The following MPDU1 variants were observed in gnomAD, a reference collection of about 807,000 sequenced individuals.
MPDU1 encodes mannose-P-dolichol utilization defect 1, also known as mannose-P-dolichol utilization defect 1 protein.
MPDU1 carries 18 observed loss-of-function variants against 27.6 expected under a neutral mutation model. The ratio of observed to expected loss-of-function variants is 0.65; its 90% CI spans 0.45 to 0.97. The LOEUF (loss-of-function observed/expected upper bound fraction) is 0.97. MPDU1 is among the 50% of genes least tolerant of loss of function. MPDU1 has a pLI of 0.00. For missense variants in MPDU1, 279 were observed against 297.4 expected, an observed-to-expected ratio of 0.94 and a Z score of 0.46; for synonymous variants, 142 against 131.1, an observed-to-expected ratio of 1.08 and a Z score of -0.57.
intron 3 of MPDU1, 158 bp downstream of exon 3, chr17:7,586,236 A>G: frequency 1.2e-6 from 1 of 852,100 alleles, no homozygotes; most frequent in Non-Finnish European, 1.9e-6. Context: ...ACCTGAGGTC[A>G]GGAGTTCGAA....
In MPDU1 at chr17:7,587,431, C is replaced by T. The variant is rs371550829; in HGVS notation, c.624C>T (p.Thr208=). The T allele has an allele frequency of 6.2e-6, 10 of 1,613,926 alleles. No homozygotes were observed. Among genetic ancestry groups the T allele is most frequent in the Non-Finnish European group, 5.9e-6 (7 of 1,179,994 alleles). The change falls in exon 7 of 7, where the codon ACC becomes ACT. Residue 208 remains threonine (T), a synonymous_variant. Transcript: ENST00000250124. ...GCTCTGTCTCTTGCAACCAGGAAAC[C>T]GGAGATCCCCTGATGGCTGGGACCT... ...LARIFTSIQE[T]GDPLMAGTFV... is the part of the protein sequence containing the mutation.
At chr17:7,586,483 C>T in intron 3 of MPDU1, 1 of 641,516 alleles carries the variant, frequency 1.6e-6, no homozygotes, top group East Asian at 2.8e-5. Context: ...GTTTTAAGCC[C>T]TTTTAGAAAC....
rs1359497255 is a variant in MPDU1 at position 7,587,989 on chromosome 17, C to A, written c.*438C>A. On this transcript the variant is annotated 3_prime_UTR_variant, in exon 7 of 7. Transcript: ENST00000250124. ...CTGTGGCTGCCTCCCTCCCTCAGCC[C>A]GGCTGGGACTGTCTCCCGGACCCCA... 1.0e-5 allele frequency: 5 copies of A among 479,666 alleles called. No individual in the cohort carries two copies. The highest frequency in any genetic ancestry group is 7.8e-5 in the African/African-American group (4 of 51,070). 29.7% of individuals were successfully genotyped at this position (479,666 alleles called of 1,614,324 possible). A position where few individuals can be genotyped will look rare whatever the true frequency, so the allele number is the denominator to read the frequency against.
In MPDU1 at chr17:7,587,859, G is replaced by T. The variant is rs4227; in HGVS notation, c.*308G>T. ...TCCTCTAGCAGCAATTTCCAGCTGTGTAACACTATCCTGGGCAAATGTTTT... is the reference window on the plus strand; with the variant it reads ...TCCTCTAGCAGCAATTTCCAGCTGTTTAACACTATCCTGGGCAAATGTTTT... On this transcript the variant is annotated 3_prime_UTR_variant, in exon 7 of 7. Transcript: ENST00000250124. 372,051 of 520,342 alleles carry T rather than the reference G, an allele frequency of 0.72. 134,794 individuals are homozygous for T. Among genetic ancestry groups the T allele is most frequent in the South Asian group, 0.83 (54,176 of 65,100 alleles). The allele number at this position is 520,342 out of a possible 1,614,324, so 32.2% of individuals were successfully genotyped here. A position where few individuals can be genotyped will look rare whatever the true frequency, so the allele number is the denominator to read the frequency against.
Position 7,587,009 on chromosome 17 carries a change from G to T in MPDU1, c.499G>T (p.Val167Leu). Residue 167 changes from valine (V) to leucine (L), a missense_variant, in exon 5 of 7, where the codon GTG (valine) becomes TTG (leucine). Coordinates refer to ENST00000250124, the MANE Select transcript of MPDU1 (RefSeq NM_004870.4). ...GGCCTCCAATGTGCCTGCTGTGGTG[G>T]TGGGGAGGGTGGGTACCAGGAGCAA... ...LQASNVPAVV[V>L]GRLLQAATNY... 6.2e-7 allele frequency: 1 copy of T among 1,612,484 alleles called. No individual in the cohort carries two copies. The highest frequency in any genetic ancestry group is 8.5e-7 in the Non-Finnish European group (1 of 1,179,274).
intron 3 of MPDU1, 101 bp downstream of exon 3, chr17:7,586,179 C>A: frequency 1.4e-6 from 2 of 1,448,582 alleles, no homozygotes; most frequent in South Asian, 1.2e-5. Flanking sequence ...GGCCCAGTGG[C>A]TTGCACCTGT....
intron 1 of MPDU1, among the ~76,000 whole-genome samples, chr17:7,585,284 C>T (rs2071561564): frequency 6.6e-6 from 1 of 151,948 alleles, no homozygotes; most frequent in African/African-American, 2.4e-5. Flanking sequence ...GCTTATAATC[C>T]CAGCACTTTA....
At chr17:7,584,211 C>A (rs1338013073) in intron 1 of MPDU1, 1 of 600,676 alleles carries the variant, frequency 1.7e-6, no homozygotes, top group Non-Finnish European at 3.0e-6. Flanking sequence ...CAATGAAAAA[C>A]GAAGAGTCAA....
chr17:7,586,058 C>A lies in MPDU1; in HGVS notation c.282C>A (p.Ile94=). 1 of 1,613,910 alleles carries A rather than the reference C, an allele frequency of 6.2e-7. No individual in the cohort carries two copies. Among genetic ancestry groups the A allele is most frequent in the South Asian group, 1.1e-5 (1 of 91,066 alleles). Residue 94 remains isoleucine, a synonymous_variant, in exon 3 of 7, where the codon ATC becomes ATA. Transcript: ENST00000250124. The part of the protein sequence containing the change: ...VALTGTMVYS[I]TNNFPFSSWG... Reference sequence around the variant, plus strand: ...TGACTGGGACCATGGTCTACAGCATCACTAACAACTTCCCATTCAGGTGAG... The same window carrying A: ...TGACTGGGACCATGGTCTACAGCATAACTAACAACTTCCCATTCAGGTGAG...
chr17:7,588,172 A>G lies in MPDU1; in HGVS notation c.*621A>G, dbSNP rs2071617211. ...ACAGATGGGACAATAAAGACTGGAG[A>G]CTCAGTTGAATAATACAAAACTGTT... On this transcript the variant is annotated 3_prime_UTR_variant, in exon 7 of 7. Transcript: ENST00000250124. 1.4e-6 allele frequency: 1 copy of G among 702,992 alleles called. No homozygotes were observed. Among genetic ancestry groups the G allele is most frequent in the African/African-American group, 1.7e-5 (1 of 57,168 alleles). 43.5% of individuals were successfully genotyped at this position (702,992 alleles called of 1,614,324 possible). A position where few individuals can be genotyped will look rare whatever the true frequency, so the allele number is the denominator to read the frequency against.
chr17:7,584,955 T>C (rs146862641), intron 1 of MPDU1, among the ~76,000 whole-genome samples: 1 of 152,108 alleles, frequency 6.6e-6, no homozygotes, highest in East Asian at 1.9e-4. Flanking sequence ...ATCGTGCCAT[T>C]GCACTCCAGC....
chr17:7,588,148 C>T lies in MPDU1; in HGVS notation c.*597C>T. ...CTGGTTCCTGCTGCAGTGAGGGGAA[C>T]AGATGGGACAATAAAGACTGGAGAC... On this transcript the variant is annotated 3_prime_UTR_variant, in exon 7 of 7. Transcript: ENST00000250124. 1 of 671,242 alleles carries T rather than the reference C, an allele frequency of 1.5e-6. No individual in the cohort carries two copies. The highest frequency in any genetic ancestry group is 2.9e-5 in the East Asian group (1 of 34,698). The allele number at this position is 671,242 out of a possible 1,614,324, so 41.6% of individuals were successfully genotyped here.
rs746026401 is a variant in MPDU1 at position 7,585,733 on chromosome 17, C to T, written c.105C>T (p.Val35=). The T allele has an allele frequency of 6.2e-7, 1 of 1,614,102 alleles. No individual in the cohort carries two copies. Among genetic ancestry groups the T allele is most frequent in the East Asian group, 2.2e-5 (1 of 44,888 alleles). The change falls in exon 2 of 7, where the codon GTC becomes GTT. Residue 35 remains valine (V), a splice_region_variant and synonymous_variant. Coordinates refer to ENST00000250124, the MANE Select transcript of MPDU1 (RefSeq NM_004870.4). ...QLFVQWDLLH[V]PCLKILLSKG... The stretch of plus-strand genomic sequence containing the variant: ...GCTTACCCTTTTTTCTCTCCTCAGT[C>T]CCCTGCCTCAAGATTCTCCTCAGCA...
At position 7,586,772 on chromosome 17, in the gene MPDU1, T is replaced by C; in HGVS notation, c.383T>C (p.Val128Ala). 3.1e-6 allele frequency: 5 copies of C among 1,613,990 alleles called. No homozygotes were observed. The Admixed American group carries it at 5.0e-5, about 16-fold the overall frequency. The change falls in exon 4 of 7, where the codon GTG (valine) becomes GCG (alanine). Residue 128 changes from valine (V) to alanine (A), a missense_variant. By Grantham distance (64) the Val-to-Ala change is moderately conservative. Transcript: ENST00000250124. ...GTCATGCACTACAGAGGACAGACTG[T>C]GAAAGGTGCTGGGGACTTACCCAAG... ...FLVMHYRGQT[V>A]KGVAFLACYG... is the part of the protein sequence containing the mutation.
At chr17:7,584,806 A>G (rs910344127) in intron 1 of MPDU1, among the ~76,000 whole-genome samples, 3 of 152,130 alleles carry the variant, frequency 2.0e-5, no homozygotes, top group African/African-American at 7.2e-5. Flanking sequence ...AGCCTGGCCA[A>G]TAGGGCGAAA....
chr17:7,583,747 A>G, upstream of MPDU1: 2 of 1,061,050 alleles, frequency 1.9e-6, no homozygotes, highest in Non-Finnish European at 2.9e-6. Context: ...AGAGCGGGGC[A>G]CGGGGCGGGC....
Position 7,587,226 on chromosome 17 carries a change from C to T in MPDU1, c.573C>T (p.Phe191=). ...GCCAGCTCTCAGCCATCACAGTCTTCCTGCTGTTTGGGGGCTCCCTGGCCC... is the reference window on the plus strand; with the variant it reads ...GCCAGCTCTCAGCCATCACAGTCTTTCTGCTGTTTGGGGGCTCCCTGGCCC... The part of the protein sequence containing the change: ...HTGQLSAITV[F]LLFGGSLARI... Residue 191 remains phenylalanine (F), a synonymous_variant, in exon 6 of 7, where the codon TTC becomes TTT. Transcript: ENST00000250124. 1 of 1,614,168 alleles carries T rather than the reference C, an allele frequency of 6.2e-7. No individual in the cohort carries two copies. The highest frequency in any genetic ancestry group is 2.2e-5 in the East Asian group (1 of 44,864).
Position 7,588,139 on chromosome 17 carries a change from T to G in MPDU1, c.*588T>G. On this transcript the variant is annotated 3_prime_UTR_variant, in exon 7 of 7. Coordinates refer to ENST00000250124, the MANE Select transcript of MPDU1 (RefSeq NM_004870.4). The stretch of plus-strand genomic sequence containing the variant: ...GAGATGGGGCTGGTTCCTGCTGCAG[T>G]GAGGGGAACAGATGGGACAATAAAG... The G allele has an allele frequency of 1.5e-6, 1 of 655,376 alleles. No individual in the cohort carries two copies. The highest frequency in any genetic ancestry group is 2.8e-6 in the Non-Finnish European group (1 of 355,874). The allele number at this position is 655,376 out of a possible 1,614,324, so 40.6% of individuals were successfully genotyped here.
At chr17:7,584,707 A>C (rs1254397644) in intron 1 of MPDU1, among the ~76,000 whole-genome samples, 1 of 152,180 alleles carries the variant, frequency 6.6e-6, no homozygotes, top group Non-Finnish European at 1.5e-5. Context: ...AAAGAGTGGT[A>C]TGGGGCGGGC....
Sources: allele counts gnomAD v4.1 joint callset (sites outside exome capture counted in the v4.1 genomes callset), GRCh38; gene constraint gnomAD v4.1.1; transcripts MANE v1.5; gene names NCBI Gene and HGNC (gene_info 2026-07-23, HGNC 2026-07-21).